ZNF653: variants seen among roughly 807,000 people sequenced by gnomAD.
ZNF653 encodes the protein zinc finger protein 653.
Under a neutral mutation model 59.9 loss-of-function variants are expected in ZNF653, and 37 were observed. The ratio of observed to expected loss-of-function variants is 0.62; its 90% CI spans 0.48 to 0.81. The LOEUF is 0.81. Ranked by LOEUF, ZNF653 falls within the 40% of genes least tolerant of loss-of-function variation. ZNF653 has a pLI of 0.00. For missense variants in ZNF653, 808 were observed against 881.1 expected (o/e 0.92, Z 1.05); for synonymous variants, 435 against 371.8 (o/e 1.17, Z -1.96).
intron 3 of ZNF653, among the ~76,000 whole-genome samples, chr19:11,493,952 G>A (rs1971555107): frequency 6.6e-6 from 1 of 152,068 alleles, no homozygotes; most frequent in African/African-American, 2.4e-5. Flanking sequence ...CCAGGAATTG[G>A]AGGCTGAAGT....
Position 11,483,776 on chromosome 19 carries a change from T to C in ZNF653, c.1754A>G (p.Asn585Ser). The change falls in exon 9 of 9, where the codon AAC becomes AGC. Residue 585 changes from asparagine (N) to serine (S), a missense_variant. Transcript: ENST00000293771. Reference protein sequence around the residue: ...MKKHTAEVQYNFTCDRCGKRF... With the variant: ...MKKHTAEVQYSFTCDRCGKRF... ...CTTCCCGCAGCGATCGCACGTGAAG[T>C]TGTACTGCACCTCCGCAGTGTGCTT... 1 of 1,613,460 alleles carries C rather than the reference T, an allele frequency of 6.2e-7. No individual in the cohort carries two copies.
Position 11,487,970 on chromosome 19 carries a change from T to C in ZNF653, c.560-67A>G. The C allele has an allele frequency of 1.8e-6, 2 of 1,130,848 alleles. No individual in the cohort carries two copies. Among genetic ancestry groups the C allele is most frequent in the Non-Finnish European group, 2.2e-6 (2 of 907,308 alleles). 70.1% of individuals were successfully genotyped at this position (1,130,848 alleles called of 1,614,324 possible). On this transcript the variant is annotated intron_variant, in intron 3 of 8. Coordinates refer to ENST00000293771, the MANE Select transcript of ZNF653 (RefSeq NM_138783.4). The surrounding 1 kb of genome is among the most constrained non-coding windows in gnomAD (Gnocchi z 5.1). ...CCACTGGTATTTGTTTATTTAGTTT[T>C]TATTTTATTTTATTTATTTATTTAT...
chr19:11,496,023 A>G lies in ZNF653; in HGVS notation c.486T>C (p.Ala162=). 1.2e-6 allele frequency: 2 copies of G among 1,614,178 alleles called. No individual in the cohort carries two copies. The highest frequency in any genetic ancestry group is 1.7e-6 in the Non-Finnish European group (2 of 1,180,010). ...GCAGGTCCTGGAAGTAGCGGTGGCC[A>G]GCTTCGCACTGCCACACGGCCGTGG... The part of the protein sequence containing the change: ...LYTTAVWQCE[A]GHRYFQDLHS... Residue 162 remains alanine (A), a synonymous_variant, in exon 3 of 9, where the codon GCT becomes GCC. Coordinates refer to ENST00000293771, the MANE Select transcript of ZNF653 (RefSeq NM_138783.4).
intron 1 of ZNF653, among the ~76,000 whole-genome samples, chr19:11,504,162 G>A (rs1037140093): frequency 3.9e-5 from 6 of 152,196 alleles, no homozygotes; most frequent in African/African-American, 1.4e-4. Context: ...AGCACTTTGG[G>A]AGGCCGAGGC....
chr19:11,502,142 A>G (rs1339489711), intron 1 of ZNF653, among the ~76,000 whole-genome samples: 1 of 150,670 alleles, frequency 6.6e-6, no homozygotes, highest in Non-Finnish European at 1.5e-5. Context: ...CCCAGGCTGG[A>G]GTACAGTGGC....
chr19:11,488,575 C>T lies in ZNF653; in HGVS notation c.560-672G>A, dbSNP rs139595005. Among the ~76,000 whole-genome samples the T allele has an allele frequency of 5.6e-3, 840 of 151,206 alleles. 5 individuals are homozygous for T. The highest frequency in any genetic ancestry group is 0.019 in the African/African-American group (768 of 40,842). On this transcript the variant is annotated intron_variant, in intron 3 of 8. Transcript: ENST00000293771. ...TGTTAGAATGACAGTCATGAGCCAC[C>T]GTGCCTGGCTGAATTTTTCTTTTCT...
In ZNF653 at chr19:11,496,071, T is replaced by C. The variant is rs999316321; in HGVS notation, c.438A>G (p.Leu146=). 1.2e-6 allele frequency: 2 copies of C among 1,614,194 alleles called. No homozygotes were observed. Among genetic ancestry groups the C allele is most frequent in the Admixed American group, 3.3e-5 (2 of 60,030 alleles). Reference sequence around the variant, plus strand: ...TGGTGTACAGGCCAAAAGTGGGGTCTAGCTCCGCCAGGTGCGGCTCGTACG... The same window carrying C: ...TGGTGTACAGGCCAAAAGTGGGGTCCAGCTCCGCCAGGTGCGGCTCGTACG... ...RCPYEPHLAE[L]DPTFGLYTTA... The change falls in exon 3 of 9, where the codon CTA becomes CTG. Residue 146 remains leucine, a synonymous_variant. Coordinates refer to ENST00000293771, the MANE Select transcript of ZNF653 (RefSeq NM_138783.4).
rs377169788 is a variant in ZNF653 at position 11,487,103 on chromosome 19, C to T, written c.1227G>A (p.Pro409=). The change falls in exon 5 of 9, where the codon CCG becomes CCA. Residue 409 remains proline (P), a synonymous_variant. Transcript: ENST00000293771. This position sits in a 1 kb window ranked among gnomAD's most constrained non-coding sequence, Gnocchi z 5.1. ...TCTCAGGCACCGTTGTTGCCAGCTC[C>T]GGGGCTACTGGCTCCTCCTTCTCCT... ...KKEEKEEPVA[P]ELATTVPESA... 2.4e-5 allele frequency: 38 copies of T among 1,613,604 alleles called. No individual in the cohort carries two copies. The highest frequency in any genetic ancestry group is 2.7e-5 in the African/African-American group (2 of 74,936).
At chr19:11,484,564 A>G (rs1971445189) in intron 7 of ZNF653, among the ~76,000 whole-genome samples, 1 of 151,742 alleles carries the variant, frequency 6.6e-6, no homozygotes, top group Admixed American at 6.6e-5. Flanking sequence ...TGTGCCACCA[A>G]CCATGCCCAG....
rs1328959538 is a variant in ZNF653, at chr19:11,505,576, C to A, written c.211G>T (p.Asp71Tyr). Reference sequence around the variant, plus strand: ...CTCCAGCCGCTGCGGCGCCGCAGGTCCACCCAGGGCCCGTGCGCCTCGCCC... The same window carrying A: ...CTCCAGCCGCTGCGGCGCCGCAGGTACACCCAGGGCCCGTGCGCCTCGCCC... The part of the protein sequence containing the change: ...YLGEAHGPWV[D>Y]LRRRSGWSDA... Residue 71 changes from aspartate to tyrosine, a missense_variant, in exon 1 of 9, where the codon GAC becomes TAC. By Grantham distance (160) the Asp-to-Tyr change is radical (BLOSUM62 -3). Transcript: ENST00000293771. 2.0e-6 allele frequency: 3 copies of A among 1,511,364 alleles called. No individual in the cohort carries two copies. Among genetic ancestry groups the A allele is most frequent in the Non-Finnish European group, 1.8e-6 (2 of 1,138,916 alleles). The allele number at this position is 1,511,364 out of a possible 1,614,324, so 93.6% of individuals were successfully genotyped here.
intron 2 of ZNF653, among the ~76,000 whole-genome samples, chr19:11,496,485 A>G (rs923860464): frequency 1.3e-5 from 2 of 152,150 alleles, no homozygotes; most frequent in Non-Finnish European, 2.9e-5. Flanking sequence ...CCTCAGGCCC[A>G]GGACTCCCAG....
At chr19:11,491,213 G>A (rs997914873) in intron 3 of ZNF653, among the ~76,000 whole-genome samples, 20 of 152,158 alleles carry the variant, frequency 1.3e-4, no homozygotes, top group Admixed American at 7.9e-4. Context: ...CACCAGCACC[G>A]ACTACATTTC....
chr19:11,484,692 C>T (rs557486345), intron 7 of ZNF653, among the ~76,000 whole-genome samples: 73 of 152,052 alleles, frequency 4.8e-4, no homozygotes, highest in Non-Finnish European at 8.8e-4. Flanking sequence ...ATTACCACCA[C>T]GCCCGGCCTT....
At position 11,484,482 on chromosome 19, in the gene ZNF653, A is replaced by G. The variant is rs77220286; in HGVS notation, c.1571-341T>C. On this transcript the variant is annotated intron_variant, in intron 7 of 8. Coordinates refer to ENST00000293771, the MANE Select transcript of ZNF653 (RefSeq NM_138783.4). ...AATGGCCCGATCTCGGCTTACCGCA[A>G]CCACAACCTTGGTCTCGCGGGTTCA... Among the ~76,000 whole-genome samples the G allele has an allele frequency of 7.1e-3, 1,082 of 152,190 alleles. 15 individuals are homozygous for G. Among genetic ancestry groups the G allele is most frequent in the African/African-American group, 0.025 (1,032 of 41,530 alleles).
At position 11,487,599 on chromosome 19, in the gene ZNF653, G is replaced by A; in HGVS notation, c.864C>T (p.Gly288=). Residue 288 remains glycine (G), a synonymous_variant, in exon 4 of 9, where the codon GGC becomes GGT. Coordinates refer to ENST00000293771, the MANE Select transcript of ZNF653 (RefSeq NM_138783.4). The surrounding 1 kb of genome is among the most constrained non-coding windows in gnomAD (Gnocchi z 5.1). The part of the protein sequence containing the change: ...CVPVPVQVGA[G]PSALFENVPQ... ...GCACGTTCTCAAAGAGGGCGCTGGG[G>A]CCCGCACCCACTTGCACAGGCACCG... The A allele has an allele frequency of 1.9e-6, 3 of 1,613,872 alleles. No homozygotes were observed. The highest frequency in any genetic ancestry group is 2.5e-6 in the Non-Finnish European group (3 of 1,179,964).
rs547685437 is a variant in ZNF653, at chr19:11,495,893, C to T, written c.559+57G>A. 2.5e-4 allele frequency: 384 copies of T among 1,533,982 alleles called. No individual in the cohort carries two copies. The highest frequency in any genetic ancestry group is 2.6e-4 in the Non-Finnish European group (293 of 1,126,520). ...CTGTTTGTGATGCTAGCCTAGGGCT[C>T]GTAAGAAGCCCCCAGAAATGGGCGG... On this transcript the variant is annotated intron_variant, in intron 3 of 8. Transcript: ENST00000293771. The surrounding 1 kb of genome is among the most constrained non-coding windows in gnomAD (Gnocchi z 4.9).
intron 7 of ZNF653, among the ~76,000 whole-genome samples, chr19:11,484,361 A>G (rs940057056): frequency 2.6e-5 from 4 of 152,048 alleles, no homozygotes; most frequent in Non-Finnish European, 5.9e-5. Flanking sequence ...CATAGGGTGC[A>G]CACTACCAAG....
chr19:11,505,550 G>T lies in ZNF653; in HGVS notation c.237C>A (p.Ser79Arg). Residue 79 changes from serine (S) to arginine (R), a missense_variant, in exon 1 of 9, where the codon AGC becomes AGA. Coordinates refer to ENST00000293771, the MANE Select transcript of ZNF653 (RefSeq NM_138783.4). ...TGAGGTAGGCGGCGAGCTTGGCGTC[G>T]CTCCAGCCGCTGCGGCGCCGCAGGT... ...WVDLRRRSGWSDAKLAAYLIS... is the reference protein window; with the variant it reads ...WVDLRRRSGWRDAKLAAYLIS... The T allele has an allele frequency of 6.6e-7, 1 of 1,511,824 alleles. No individual in the cohort carries two copies. The allele number at this position is 1,511,824 out of a possible 1,614,324, so 93.7% of individuals were successfully genotyped here.
In ZNF653 at chr19:11,505,700, CGCT is replaced by C; in HGVS notation, c.84_86del (p.Ala29del). The C allele has an allele frequency of 6.7e-7, 1 of 1,485,404 alleles. No individual in the cohort carries two copies. Among genetic ancestry groups the C allele is most frequent in the Non-Finnish European group, 8.9e-7 (1 of 1,126,516 alleles). 92.0% of individuals were successfully genotyped at this position (1,485,404 alleles called of 1,614,324 possible). A position where few individuals can be genotyped will look rare whatever the true frequency, so the allele number is the denominator to read the frequency against. On this transcript the variant is annotated inframe_deletion, in exon 1 of 9. Transcript: ENST00000293771. ...GCGGCCGGCCCCGCGCCTTTCGGCC[CGCT>C]GCGCCCTCCTCGGCTGCTGCCTCCC...
Sources: allele counts gnomAD v4.1 joint callset (sites outside exome capture counted in the v4.1 genomes callset), GRCh38; gene constraint gnomAD v4.1.1; non-coding constraint Gnocchi (gnomAD v3.1); transcripts MANE v1.5; gene names NCBI Gene and HGNC (gene_info 2026-07-23, HGNC 2026-07-21).